The following TOP1 variants were observed in gnomAD, a reference collection of about 807,000 sequenced individuals.
TOP1 encodes the protein DNA topoisomerase I.
In TOP1, 10 loss-of-function variants were observed where a neutral mutation model predicts 111.1. The ratio of observed to expected loss-of-function variants is 0.09; its 90% CI spans 0.06 to 0.15. TOP1 has a LOEUF of 0.15. TOP1 is among the 10% of genes least tolerant of loss of function. TOP1 has a pLI of 1.00. For missense variants in TOP1, 474 were observed against 926.7 expected (o/e 0.51, Z 6.34); for synonymous variants, 271 against 302.9 (o/e 0.89, Z 1.10).
intron 4 of TOP1, among the ~76,000 whole-genome samples, chr20:41,077,322 C>T (rs557118834): frequency 6.6e-6 from 1 of 152,288 alleles, no homozygotes; most frequent in East Asian, 1.9e-4. Context: ...GGAAAAGAGA[C>T]CTGCCACCAC....
Position 41,080,267 on chromosome 20 carries a change from T to C in TOP1, c.431+87T>C, listed in dbSNP as rs1188611103. ...GTGATGTGTTTCTTTATAATACATA[T>C]AGAAACTGCATTAATTGGCTTTTAC... On this transcript the variant is annotated intron_variant, in intron 6 of 20. Transcript: ENST00000361337. The surrounding 1 kb of genome is among the most constrained non-coding windows in gnomAD (Gnocchi z 5.0). 2 of 751,530 alleles carry C rather than the reference T, an allele frequency of 2.7e-6. No homozygotes were observed. The highest frequency in any genetic ancestry group is 4.3e-6 in the Non-Finnish European group (2 of 462,060). 46.6% of individuals were successfully genotyped at this position (751,530 alleles called of 1,614,324 possible). A position where few individuals can be genotyped will look rare whatever the true frequency, so the allele number is the denominator to read the frequency against.
At chr20:41,120,421 T>C (rs1473760451) in intron 18 of TOP1, among the ~76,000 whole-genome samples, 2 of 152,226 alleles carry the variant, frequency 1.3e-5, no homozygotes, top group Non-Finnish European at 2.9e-5. Flanking sequence ...AGACATGTTA[T>C]TTACTCCGTA....
chr20:41,045,027 A>G (rs1336474616), intron 2 of TOP1, among the ~76,000 whole-genome samples: 1 of 152,152 alleles, frequency 6.6e-6, no homozygotes, highest in Admixed American at 6.5e-5. Flanking sequence ...GCCTCTAGTG[A>G]TTCACCTGCC....
chr20:41,062,955 T>C (rs2033563711), intron 3 of TOP1, among the ~76,000 whole-genome samples: 2 of 152,182 alleles, frequency 1.3e-5, no homozygotes, highest in African/African-American at 4.8e-5. Flanking sequence ...TCAGGTTTTA[T>C]TTTAGATTCA....
chr20:41,032,114 A>G lies in TOP1; in HGVS notation c.58+2659A>G, dbSNP rs1350834575. ...CATGTCATTATTGAACTTTGTATTAAGAGATTGTTTAAGCGTGATTTTAAG... is the reference window on the plus strand; with the variant it reads ...CATGTCATTATTGAACTTTGTATTAGGAGATTGTTTAAGCGTGATTTTAAG... On this transcript the variant is annotated intron_variant, in intron 2 of 20. Coordinates refer to ENST00000361337, the MANE Select transcript of TOP1 (RefSeq NM_003286.4). This position sits in a 1 kb window ranked among gnomAD's most constrained non-coding sequence, Gnocchi z 4.3. Among the ~76,000 whole-genome samples the G allele has an allele frequency of 6.6e-6, 1 of 152,228 alleles. No individual in the cohort carries two copies. Among genetic ancestry groups the G allele is most frequent in the African/African-American group, 2.4e-5 (1 of 41,466 alleles).
chr20:41,120,811 G>A (rs920277785), intron 18 of TOP1, among the ~76,000 whole-genome samples: 2 of 152,056 alleles, frequency 1.3e-5, no homozygotes, highest in South Asian at 2.1e-4. Flanking sequence ...GCATGATCTC[G>A]GCTCACTGCA....
In TOP1 at chr20:41,030,606, T is replaced by C. The variant is rs1029689156; in HGVS notation, c.58+1151T>C. Among the ~76,000 whole-genome samples, 4 of 152,178 alleles carry C rather than the reference T, an allele frequency of 2.6e-5. No individual in the cohort carries two copies. Among genetic ancestry groups the C allele is most frequent in the Non-Finnish European group, 5.9e-5 (4 of 68,034 alleles). On this transcript the variant is annotated intron_variant, in intron 2 of 20. Coordinates refer to ENST00000361337, the MANE Select transcript of TOP1 (RefSeq NM_003286.4). This position sits in a 1 kb window ranked among gnomAD's most constrained non-coding sequence, Gnocchi z 4.1. Reference sequence around the variant, plus strand: ...CAATAAAAAGCTCATCCTTGCAGGCTTTCGAACAACCCTGTTGAAGGAGAA... The same window carrying C: ...CAATAAAAAGCTCATCCTTGCAGGCCTTCGAACAACCCTGTTGAAGGAGAA...
chr20:41,072,630 C>A (rs1258961288), intron 3 of TOP1: 1 of 985,312 alleles, frequency 1.0e-6, no homozygotes, highest in Non-Finnish European at 1.2e-6. Context: ...GGGGTTTGCT[C>A]TTTGCCAGCA....
At chr20:41,070,191 C>T (rs943890379) in intron 3 of TOP1, among the ~76,000 whole-genome samples, 9 of 152,144 alleles carry the variant, frequency 5.9e-5, no homozygotes. Flanking sequence ...AAAAGGGTTC[C>T]TGTCTTGGAT....
rs1046425019 is a variant in TOP1 at position 41,069,568 on chromosome 20, A to G, written c.156-6603A>G. On this transcript the variant is annotated intron_variant, in intron 3 of 20. Coordinates refer to ENST00000361337, the MANE Select transcript of TOP1 (RefSeq NM_003286.4). This position sits in a 1 kb window ranked among gnomAD's most constrained non-coding sequence, Gnocchi z 4.1. ...GTTGATAACAGTACCTGCTTTATCA[A>G]TCTTTCAAGTTTGTTTATGCACATG... Among the ~76,000 whole-genome samples the G allele has an allele frequency of 9.8e-5, 15 of 152,296 alleles. No individual in the cohort carries two copies. Among genetic ancestry groups the G allele is most frequent in the East Asian group, 5.8e-4 (3 of 5,178 alleles).
intron 2 of TOP1, among the ~76,000 whole-genome samples, chr20:41,049,328 C>T (rs899303641): frequency 5.9e-5 from 9 of 152,170 alleles, no homozygotes; most frequent in Admixed American, 2.6e-4. Context: ...GAGGTGATAA[C>T]AAAATTGGGT....
rs571634779 is a variant in TOP1, at chr20:41,057,392, A to T, written c.59-4002A>T. ...GTGAGACTCTGTCTCCAAAAAAAAT[A>T]AAAAAAAAAAAGTTATTGGCAGACT... On this transcript the variant is annotated intron_variant, in intron 2 of 20. Transcript: ENST00000361337. Among the ~76,000 whole-genome samples the T allele has an allele frequency of 9.0e-5, 13 of 144,040 alleles. No homozygotes were observed. In the South Asian group the frequency reaches 1.1e-3, roughly 12 times the overall value. 94.5% of individuals were successfully genotyped at this position (144,040 alleles called of 152,430 possible).
At chr20:41,065,580 T>C (rs1470565062) in intron 3 of TOP1, among the ~76,000 whole-genome samples, 1 of 152,140 alleles carries the variant, frequency 6.6e-6, no homozygotes, top group Non-Finnish European at 1.5e-5. Context: ...CTACTTTGTC[T>C]TTTTTTCTCT....
intron 9 of TOP1, among the ~76,000 whole-genome samples, chr20:41,093,022 T>C (rs1421924314): frequency 6.6e-6 from 1 of 152,360 alleles, no homozygotes; most frequent in South Asian, 2.1e-4. Context: ...CGAGGATTAA[T>C]AGTCTGCCAT....
chr20:41,084,879 GATT>G (rs1457290183), intron 8 of TOP1, among the ~76,000 whole-genome samples: 1 of 152,188 alleles, frequency 6.6e-6, no homozygotes, highest in Non-Finnish European at 1.5e-5. Context: ...GGAAAGGACA[GATT>G]ATTATGTAAG....
rs1391453403 is a variant in TOP1, at chr20:41,071,385, G to A, written c.156-4786G>A. On this transcript the variant is annotated intron_variant, in intron 3 of 20. Coordinates refer to ENST00000361337, the MANE Select transcript of TOP1 (RefSeq NM_003286.4). The surrounding 1 kb of genome is among the most constrained non-coding windows in gnomAD (Gnocchi z 4.3). ...TTTTGAGATGGAGCCTCAGTCTATCGCCAGGCTGGAGTGCAGTGGCGTGAT... is the reference window on the plus strand; with the variant it reads ...TTTTGAGATGGAGCCTCAGTCTATCACCAGGCTGGAGTGCAGTGGCGTGAT... Among the ~76,000 whole-genome samples, 5 of 149,308 alleles carry A rather than the reference G, an allele frequency of 3.3e-5. No individual in the cohort carries two copies. In the East Asian group the frequency reaches 5.9e-4, roughly 18 times the overall value.
At chr20:41,070,389 C>T (rs1013998018) in intron 3 of TOP1, among the ~76,000 whole-genome samples, 1 of 152,026 alleles carries the variant, frequency 6.6e-6, no homozygotes, top group East Asian at 1.9e-4. Context: ...TAATATAAAA[C>T]GCCGGAGTCC....
rs1299664819 is a variant in TOP1 at position 41,115,385 on chromosome 20, A to C, written c.1653A>C (p.Leu551=). The C allele has an allele frequency of 6.2e-7, 1 of 1,611,710 alleles. No homozygotes were observed. Among genetic ancestry groups the C allele is most frequent in the African/African-American group, 1.3e-5 (1 of 74,884 alleles). Residue 551 remains leucine, a synonymous_variant, in exon 16 of 21, where the codon CTA becomes CTC. Coordinates refer to ENST00000361337, the MANE Select transcript of TOP1 (RefSeq NM_003286.4). This position sits in a 1 kb window ranked among gnomAD's most constrained non-coding sequence, Gnocchi z 6.3. ...ATATCTTTTAGGTTTTTAAGAACCTACAACTATTTATGGAGAACAAGCAGC... is the reference window on the plus strand; with the variant it reads ...ATATCTTTTAGGTTTTTAAGAACCTCCAACTATTTATGGAGAACAAGCAGC... ...VPVEKRVFKN[L]QLFMENKQPE...
Position 41,118,143 on chromosome 20 carries a change from T to C in TOP1, c.1823-26T>C, listed in dbSNP as rs769467244. On this transcript the variant is annotated intron_variant, in intron 17 of 20. Transcript: ENST00000361337. This position sits in a 1 kb window ranked among gnomAD's most constrained non-coding sequence, Gnocchi z 4.6. ...ACTTTTGGTGTACAAACTGACCCTC[T>C]TGCTACCATGTTCCTTTCTTTACAG... is the stretch of plus-strand genomic sequence containing the variant. The C allele has an allele frequency of 1.9e-6, 3 of 1,608,828 alleles. No homozygotes were observed. Among genetic ancestry groups the C allele is most frequent in the Non-Finnish European group, 2.6e-6 (3 of 1,176,190 alleles).
Sources: allele counts gnomAD v4.1 joint callset (sites outside exome capture counted in the v4.1 genomes callset), GRCh38; gene constraint gnomAD v4.1.1; non-coding constraint Gnocchi (gnomAD v3.1); transcripts MANE v1.5; gene names NCBI Gene and HGNC (gene_info 2026-07-23, HGNC 2026-07-21).